The following EFCAB6 variants were observed in gnomAD, a reference collection of about 807,000 sequenced individuals.
EFCAB6 encodes the protein EF-hand calcium binding domain 6.
A neutral mutation model predicts 169.8 loss-of-function variants in EFCAB6; 156 were observed. The ratio of observed to expected loss-of-function variants is 0.92; its 90% CI spans 0.81 to 1.05. EFCAB6 has a LOEUF of 1.05. EFCAB6 is among the 50% of genes least tolerant of loss of function. The probability of loss-of-function intolerance (pLI) is 0.00; values close to 1 mark genes in which losing one functional copy is unlikely to be tolerated. For synonymous variants in EFCAB6, 698 were observed against 676.4 expected, an observed-to-expected ratio of 1.03 and a Z score of -0.50; for missense variants, 1,800 against 1,829.1, an observed-to-expected ratio of 0.98 and a Z score of 0.29.
chr22:43,584,933 G>A (rs1000551686), intron 24 of EFCAB6, among the ~76,000 whole-genome samples: 4 of 152,202 alleles, frequency 2.6e-5, no homozygotes, highest in African/African-American at 9.7e-5. Context: ...GGACACTGGA[G>A]TAAATTGGAG....
chr22:43,530,669 T>C, intron 31 of EFCAB6, 146 bp downstream of exon 31: 12 of 1,486,004 alleles, frequency 8.1e-6, no homozygotes, highest in Non-Finnish European at 9.8e-6. Context: ...CTGGATAACT[T>C]GGGGGTCCCA....
chr22:43,626,611 G>C lies in EFCAB6; in HGVS notation c.2301C>G (p.His767Gln), dbSNP rs771660713. The change falls in exon 20 of 32, where the codon CAC becomes CAG. Residue 767 changes from histidine (H) to glutamine (Q), a missense_variant. By Grantham distance (24) the His-to-Gln change is conservative. Transcript: ENST00000262726. ...RDGIINMHDL[H>Q]RLLLHLLLNL... ...TAAGCAGTAGATGCAGGAGCAGTCT[G>C]TGAAGGTCATGCATGTTGATTATGC... 6 of 1,614,216 alleles carry C rather than the reference G, an allele frequency of 3.7e-6. No homozygotes were observed. In the East Asian group the frequency reaches 1.3e-4, roughly 36 times the overall value.
chr22:43,629,261 T>C (rs1025378935), intron 19 of EFCAB6, among the ~76,000 whole-genome samples: 12 of 152,208 alleles, frequency 7.9e-5, no homozygotes, highest in African/African-American at 2.7e-4. Flanking sequence ...TTCCCCAATG[T>C]TAGTGCGTAG....
rs1489975008 is a variant in EFCAB6, at chr22:43,716,857, A to G, written c.873T>C (p.Phe291=). The change falls in exon 9 of 32, where the codon TTT becomes TTC. Residue 291 remains phenylalanine, a synonymous_variant. Transcript: ENST00000262726. ...TAGGAAAACATCTTACTTGTAGACA[A>G]AAGTTCCTCTCAATTTCATCCAAGG... ...NYSLDEIERN[F]CLQLSKSYEK... 1.9e-6 allele frequency: 3 copies of G among 1,604,342 alleles called. No individual in the cohort carries two copies. Among genetic ancestry groups the G allele is most frequent in the Non-Finnish European group, 1.7e-6 (2 of 1,175,866 alleles).
chr22:43,784,068 AAAAT>A lies in EFCAB6; in HGVS notation c.-7-1747_-7-1744del, dbSNP rs998503898. Among the ~76,000 whole-genome samples, 8 of 152,258 alleles carry A rather than the reference AAAAT, an allele frequency of 5.3e-5. No individual in the cohort carries two copies. The South Asian group carries it at 1.4e-3, about 28-fold the overall frequency. On this transcript the variant is annotated intron_variant, in intron 2 of 31. Transcript: ENST00000262726. Reference sequence around the variant, plus strand: ...TGGGCAACAGAGAAAACTCTGTCTCAAAATAAATAAATAAATAAAATGTCCAGTT... The same window carrying A: ...TGGGCAACAGAGAAAACTCTGTCTCAAAATAAATAAATAAAATGTCCAGTT...
chr22:43,765,547 A>G (rs1402930384), intron 4 of EFCAB6, among the ~76,000 whole-genome samples, 154 bp from the exon 5 acceptor site: 1 of 152,160 alleles, frequency 6.6e-6, no homozygotes, highest in Non-Finnish European at 1.5e-5. Flanking sequence ...ACAACTGCTT[A>G]ACCCAGGTGT....
At chr22:43,752,717 C>T (rs572530330) in intron 6 of EFCAB6, among the ~76,000 whole-genome samples, 35 of 152,300 alleles carry the variant, frequency 2.3e-4, no homozygotes, top group Non-Finnish European at 4.7e-4. Context: ...GTGCTGGCAA[C>T]CTCCTGGTAA....
At chr22:43,604,481 T>C (rs1439040691) in intron 22 of EFCAB6, among the ~76,000 whole-genome samples, 2 of 152,224 alleles carry the variant, frequency 1.3e-5, no homozygotes, top group Non-Finnish European at 2.9e-5. Flanking sequence ...CTTCTTTGTA[T>C]TCAGTGCTTC....
At chr22:43,740,041 C>T (rs956961120) in intron 6 of EFCAB6, among the ~76,000 whole-genome samples, 1 of 151,936 alleles carries the variant, frequency 6.6e-6, no homozygotes, top group Admixed American at 6.6e-5. Flanking sequence ...CCACACCAGA[C>T]CCCACTGCTC....
chr22:43,777,997 A>C (rs758161449), intron 3 of EFCAB6, among the ~76,000 whole-genome samples: 4 of 152,202 alleles, frequency 2.6e-5, no homozygotes, highest in Non-Finnish European at 5.9e-5. Flanking sequence ...TCACCCTAAC[A>C]ATGAGAACAA....
chr22:43,635,805 T>C (rs578228486), intron 17 of EFCAB6, among the ~76,000 whole-genome samples: 9 of 152,178 alleles, frequency 5.9e-5, no homozygotes, highest in Non-Finnish European at 1.0e-4. Context: ...GTTTTGGGTA[T>C]GTTGGGGGCA....
rs141901486 is a variant in EFCAB6 at position 43,753,610 on chromosome 22, G to A, written c.507+2156C>T. Among the ~76,000 whole-genome samples, 1,201 of 152,308 alleles carry A rather than the reference G, an allele frequency of 7.9e-3. 7 individuals are homozygous for A. Among genetic ancestry groups the A allele is most frequent in the Middle Eastern group, 0.017 (5 of 294 alleles). ...CTCAGAGAGCCCAAGGGTTCGACTG[G>A]ATAAGAGCATGAACATGAGCGTCGG... On this transcript the variant is annotated intron_variant, in intron 6 of 31. Transcript: ENST00000262726.
At chr22:43,664,963 T>A (rs1476104852) in intron 17 of EFCAB6, among the ~76,000 whole-genome samples, 4 of 151,784 alleles carry the variant, frequency 2.6e-5, no homozygotes, top group Non-Finnish European at 5.9e-5. Context: ...GGGGGAGCAG[T>A]GGAGTGGGGT....
At chr22:43,596,608 C>T (rs2052029086) in intron 23 of EFCAB6, among the ~76,000 whole-genome samples, 1 of 151,968 alleles carries the variant, frequency 6.6e-6, no homozygotes, top group African/African-American at 2.4e-5. Context: ...AGGACACAAA[C>T]AAAAATGAAA....
intron 23 of EFCAB6, among the ~76,000 whole-genome samples, chr22:43,593,565 C>T (rs113384725): frequency 0.014 from 2,056 of 152,266 alleles, 56 homozygotes; most frequent in African/African-American, 0.047. Context: ...TATTTTACTT[C>T]GAATTTCACA....
At chr22:43,583,446 A>G (rs1201137806) in intron 24 of EFCAB6, among the ~76,000 whole-genome samples, 1 of 151,994 alleles carries the variant, frequency 6.6e-6, no homozygotes, top group Non-Finnish European at 1.5e-5. Flanking sequence ...AGGTAAAACA[A>G]AGGCAGATAT....
intron 26 of EFCAB6, among the ~76,000 whole-genome samples, chr22:43,573,466 C>T (rs2050025243): frequency 0.015 from 1 of 66 alleles, no homozygotes; most frequent in Non-Finnish European, 0.024. Context: ...GGCACGGTGG[C>T]TTATGCTGTA....
At chr22:43,657,386 C>G (rs1337265038) in intron 17 of EFCAB6, among the ~76,000 whole-genome samples, 1 of 151,754 alleles carries the variant, frequency 6.6e-6, no homozygotes, top group Admixed American at 6.6e-5. Flanking sequence ...ACTTTAGAAT[C>G]TATTCTCTGA....
intron 17 of EFCAB6, among the ~76,000 whole-genome samples, chr22:43,654,127 T>C (rs541476702): frequency 3.3e-5 from 5 of 152,296 alleles, no homozygotes; most frequent in Admixed American, 6.5e-5. Context: ...AAGGATCTTA[T>C]ACCTATTTAA....
Sources: gnomAD v4.1 joint callset for allele counts (sites outside exome capture counted in the v4.1 genomes callset) on GRCh38, gnomAD v4.1.1 for gene constraint, MANE v1.5 for transcripts, NCBI Gene and HGNC (gene_info 2026-07-23, HGNC 2026-07-21) for gene names.